The following BMS1 variants were observed in gnomAD, a reference collection of about 807,000 sequenced individuals.
The protein encoded by BMS1 is ribosome biogenesis protein BMS1 homolog.
Under a neutral mutation model 138.7 loss-of-function variants are expected in BMS1, and 53 were observed. The observed-to-expected ratio is 0.38, with a 90% CI of 0.31 to 0.48. The LOEUF is 0.48. Ranked by LOEUF, BMS1 falls within the 20% of genes least tolerant of loss-of-function variation. The pLI is 0.97. For synonymous variants in BMS1, 504 were observed against 539.9 expected (o/e 0.93, Z 0.92); for missense variants, 1,360 against 1,565.5 (o/e 0.87, Z 2.22).
At chr10:42,793,446 A>C (rs1589134909) in intron 8 of BMS1, among the ~76,000 whole-genome samples, 1 of 151,900 alleles carries the variant, frequency 6.6e-6, no homozygotes, top group Non-Finnish European at 1.5e-5. Flanking sequence ...TGTGCTTTCC[A>C]GCTTTCATTG....
chr10:42,803,408 G>T (rs1434416043), intron 13 of BMS1, among the ~76,000 whole-genome samples: 2 of 152,040 alleles, frequency 1.3e-5, no homozygotes, highest in Non-Finnish European at 2.9e-5. Flanking sequence ...CAAAGTGCTG[G>T]GATTACAGGC....
intron 21 of BMS1, among the ~76,000 whole-genome samples, chr10:42,828,586 C>T (rs956374615): frequency 2.0e-5 from 3 of 151,804 alleles, no homozygotes; most frequent in Admixed American, 6.6e-5. Context: ...TGCTGTTCCA[C>T]GTGCTTGCTG....
chr10:42,811,423 TTTA>T (rs1291038843), intron 13 of BMS1, among the ~76,000 whole-genome samples: 1 of 151,780 alleles, frequency 6.6e-6, no homozygotes, highest in Non-Finnish European at 1.5e-5. Flanking sequence ...AGGTTATTGG[TTTA>T]TCTTTTCTCA....
chr10:42,811,541 T>C (rs79918323), intron 13 of BMS1, among the ~76,000 whole-genome samples: 1 of 136,080 alleles, frequency 7.3e-6, no homozygotes, highest in African/African-American at 2.9e-5. Flanking sequence ...TTTTTTTTTT[T>C]TGAGACGGAG....
intron 13 of BMS1, among the ~76,000 whole-genome samples, chr10:42,815,931 A>G (rs935260977): frequency 4.6e-5 from 7 of 152,236 alleles, no homozygotes; most frequent in African/African-American, 1.7e-4. Flanking sequence ...ATGTGCTGGT[A>G]TCAGCGTGGA....
At chr10:42,819,521 G>A (rs749974568) in intron 15 of BMS1, among the ~76,000 whole-genome samples, 7 of 152,246 alleles carry the variant, frequency 4.6e-5, no homozygotes, top group South Asian at 2.1e-4. Flanking sequence ...AGGGCTGACC[G>A]TGGAGGTTCT....
intron 12 of BMS1, among the ~76,000 whole-genome samples, chr10:42,799,532 TC>T (rs1841805233): frequency 6.6e-6 from 1 of 152,258 alleles, no homozygotes. Context: ...CTATTGTAAT[TC>T]GCCAGATAAC....
rs1680170359 is a variant in BMS1 at position 42,831,998 on chromosome 10, T to C, written c.*902T>C. ...ATATAGTTGTATATTTTGCCCAATTTCTCTCAGTGGTAATGTTTCACACAT... is the reference window on the plus strand; with the variant it reads ...ATATAGTTGTATATTTTGCCCAATTCCTCTCAGTGGTAATGTTTCACACAT... On this transcript the variant is annotated 3_prime_UTR_variant, in exon 23 of 23. Transcript: ENST00000374518. 6.6e-6 allele frequency: 1 copy of C among 152,182 alleles called. No homozygotes were observed. The highest frequency in any genetic ancestry group is 2.1e-4 in the South Asian group (1 of 4,824). The allele number at this position is 152,182 out of a possible 1,614,324, so 9.4% of individuals were successfully genotyped here.
At chr10:42,795,133 T>C (rs9422449) in intron 9 of BMS1, among the ~76,000 whole-genome samples, 27,179 of 147,788 alleles carry the variant, frequency 0.18, 2,654 homozygotes, top group Middle Eastern at 0.25. Context: ...ATGGTGTATA[T>C]GTGCCACATT....
chr10:42,803,764 T>C (rs189483760), intron 13 of BMS1, among the ~76,000 whole-genome samples: 1 of 152,242 alleles, frequency 6.6e-6, no homozygotes, highest in Admixed American at 6.5e-5. Flanking sequence ...CAGTGAGGTA[T>C]AATTGATGGT....
chr10:42,801,553 G>T (rs1002125940), intron 12 of BMS1, among the ~76,000 whole-genome samples: 4 of 152,200 alleles, frequency 2.6e-5, no homozygotes, highest in African/African-American at 9.7e-5. Flanking sequence ...AGGGGGTGAA[G>T]TTGTATCTCA....
chr10:42,799,524 A>G (rs1293260446), intron 12 of BMS1, among the ~76,000 whole-genome samples: 1 of 152,174 alleles, frequency 6.6e-6, no homozygotes, highest in Non-Finnish European at 1.5e-5. Context: ...CATACTGTCT[A>G]TTGTAATTCG....
At chr10:42,813,134 A>G (rs1842239020) in intron 13 of BMS1, among the ~76,000 whole-genome samples, 1 of 152,214 alleles carries the variant, frequency 6.6e-6, no homozygotes. Context: ...TAATGATTAC[A>G]TAGGATATCT....
At position 42,793,041 on chromosome 10, in the gene BMS1, A is replaced by G. The variant is rs377685740; in HGVS notation, c.986A>G (p.Asn329Ser). 1.3e-5 allele frequency: 21 copies of G among 1,613,636 alleles called. No homozygotes were observed. In the African/African-American group the frequency reaches 2.7e-4, roughly 21 times the overall value. The change falls in exon 8 of 23, where the codon AAT becomes AGT. Residue 329 changes from asparagine (N) to serine (S), a missense_variant. Transcript: ENST00000374518. ...GAACAACAAAAGAAGCGCTGTTTAA[A>G]TGAGAAGGAGAAGCTGGTTTATGCG... Reference protein sequence around the residue: ...LPEQQKKRCLNEKEKLVYAPL... With the variant: ...LPEQQKKRCLSEKEKLVYAPL...
At position 42,832,572 on chromosome 10, in the gene BMS1, T is replaced by G. The variant is rs1170311657; in HGVS notation, c.*1476T>G. On this transcript the variant is annotated 3_prime_UTR_variant, in exon 23 of 23. Coordinates refer to ENST00000374518, the MANE Select transcript of BMS1 (RefSeq NM_014753.4). The stretch of plus-strand genomic sequence containing the variant: ...GTGCCACATTGCCTTTACAACATCA[T>G]AGGGGCCAAAGAGGGTTGGCAGGAT... The G allele has an allele frequency of 6.6e-6, 1 of 152,154 alleles. No individual in the cohort carries two copies. Among genetic ancestry groups the G allele is most frequent in the South Asian group, 2.1e-4 (1 of 4,822 alleles). The allele number at this position is 152,154 out of a possible 1,614,324, so 9.4% of individuals were successfully genotyped here.
intron 11 of BMS1, 37 bp downstream of exon 11, chr10:42,797,560 TTTC>T: frequency 6.3e-7 from 1 of 1,590,314 alleles, no homozygotes; most frequent in Non-Finnish European, 8.6e-7. Context: ...AATGTTTTAG[TTTC>T]TCTGATTATT....
In BMS1 at chr10:42,797,459, A is replaced by G; in HGVS notation, c.2025A>G (p.Ala675=). Residue 675 remains alanine, a synonymous_variant, in exon 11 of 23, where the codon GCA becomes GCG. Transcript: ENST00000374518. ...GGAAGGAAGACCTTTCCAGAAAGGC[A>G]GCTGAGGCCTTTCTGAGGCAGCAGC... is the stretch of plus-strand genomic sequence containing the variant. ...LKWKEDLSRK[A]AEAFLRQQQA... 1 of 1,614,256 alleles carries G rather than the reference A, an allele frequency of 6.2e-7. No individual in the cohort carries two copies. Among genetic ancestry groups the G allele is most frequent in the Non-Finnish European group, 8.5e-7 (1 of 1,180,042 alleles).
At chr10:42,830,228 T>G in intron 21 of BMS1, 33 bp from the exon 22 acceptor site, 2 of 1,599,732 alleles carry the variant, frequency 1.3e-6, no homozygotes, top group Non-Finnish European at 1.7e-6. Context: ...GATCATAATT[T>G]GAATATGTCA....
At chr10:42,826,787 C>G (rs915226726) in intron 21 of BMS1, among the ~76,000 whole-genome samples, 26 of 152,296 alleles carry the variant, frequency 1.7e-4, no homozygotes, top group African/African-American at 6.3e-4. Flanking sequence ...CAGGACAGTG[C>G]TTCAGCTCTT....
Sources: allele counts gnomAD v4.1 joint callset (sites outside exome capture counted in the v4.1 genomes callset), GRCh38; gene constraint gnomAD v4.1.1; transcripts MANE v1.5; gene names NCBI Gene and HGNC (gene_info 2026-07-23, HGNC 2026-07-21).